ZNF385D: variants seen among roughly 807,000 people sequenced by gnomAD.
The protein encoded by ZNF385D is zinc finger protein 385D.
Under a neutral mutation model 35.8 loss-of-function variants are expected in ZNF385D, and 15 were observed. That is an observed-to-expected ratio of 0.42 (90% CI 0.28 to 0.64). The LOEUF (loss-of-function observed/expected upper bound fraction) is 0.64, where lower values mean the gene tolerates loss of function less well. Among genes scored for constraint, ZNF385D ranks in the 30% least tolerant of loss-of-function variants. The pLI is 0.23. For missense variants in ZNF385D, 474 were observed against 494.6 expected (o/e 0.96, Z 0.39); for synonymous variants, 212 against 186.8 (o/e 1.13, Z -1.10).
intron 3 of ZNF385D, among the ~76,000 whole-genome samples, chr3:21,831,479 G>C (rs143982622): frequency 4.5e-4 from 69 of 152,270 alleles, no homozygotes; most frequent in African/African-American, 1.5e-3. Flanking sequence ...GAAATCCTTA[G>C]CTTTGTTCCA....
At chr3:21,924,322 T>C (rs1700618937) in intron 3 of ZNF385D, among the ~76,000 whole-genome samples, 1 of 152,194 alleles carries the variant, frequency 6.6e-6, no homozygotes, top group Admixed American at 6.5e-5. Flanking sequence ...GTTAGCTTCC[T>C]GAGTTTTTTT....
intron 2 of ZNF385D, among the ~76,000 whole-genome samples, chr3:22,304,066 A>G (rs1383682862): frequency 6.6e-6 from 1 of 152,116 alleles, no homozygotes; most frequent in African/African-American, 2.4e-5. Context: ...GTGAGTCACC[A>G]TGCCTGGTCT....
chr3:22,143,059 T>TTGTGTGTGTGTGTGTGTGTG (rs57448532), intron 3 of ZNF385D, among the ~76,000 whole-genome samples: 8 of 140,916 alleles, frequency 5.7e-5, no homozygotes, highest in African/African-American at 2.2e-4. Context: ...ATTAAATCGG[T>TTGTGTGTGTGTGTGTGTGTG]TGTGTGTGTG....
intron 2 of ZNF385D, among the ~76,000 whole-genome samples, chr3:22,369,943 G>A (rs555159638): frequency 3.9e-5 from 6 of 152,088 alleles, no homozygotes; most frequent in Non-Finnish European, 7.4e-5. Context: ...AATGAGAAAT[G>A]CAACATTTTA....
intron 3 of ZNF385D, among the ~76,000 whole-genome samples, chr3:21,543,231 A>G (rs2062242675): frequency 6.6e-6 from 1 of 152,140 alleles, no homozygotes; most frequent in Non-Finnish European, 1.5e-5. Context: ...GAATCACTTG[A>G]AGCTGGCTGG....
intron 4 of ZNF385D, chr3:21,443,419 G>T (rs1302193554): frequency 1.1e-6 from 1 of 885,214 alleles, no homozygotes; most frequent in Non-Finnish European, 1.4e-6. Flanking sequence ...AATTTTGGGG[G>T]TCTGTCTTAT....
At chr3:22,074,629 AAT>A (rs1167351937) in intron 3 of ZNF385D, among the ~76,000 whole-genome samples, 5 of 151,940 alleles carry the variant, frequency 3.3e-5, no homozygotes, top group African/African-American at 1.2e-4. Context: ...TTAATTCCAC[AAT>A]ATAAGAAAAA....
At chr3:21,992,834 G>T (rs1025663202) in intron 3 of ZNF385D, among the ~76,000 whole-genome samples, 5 of 151,988 alleles carry the variant, frequency 3.3e-5, no homozygotes, top group African/African-American at 1.2e-4. Flanking sequence ...TGAATTATTT[G>T]CAATAAAAAT....
intron 3 of ZNF385D, among the ~76,000 whole-genome samples, chr3:21,806,993 T>G (rs1429610020): frequency 6.6e-6 from 1 of 152,254 alleles, no homozygotes; most frequent in East Asian, 1.9e-4. Flanking sequence ...ACTTCCCTCT[T>G]ATTTTTCTGA....
intron 1 of ZNF385D, among the ~76,000 whole-genome samples, chr3:21,695,572 G>T (rs376748429): frequency 6.0e-4 from 92 of 152,176 alleles, no homozygotes; most frequent in African/African-American, 2.1e-3. Flanking sequence ...CTCAGATAAT[G>T]CCAGATGCTT....
intron 3 of ZNF385D, among the ~76,000 whole-genome samples, chr3:22,114,201 G>C (rs1310579521): frequency 6.6e-6 from 1 of 151,962 alleles, no homozygotes. Context: ...TTGTTTGTAT[G>C]CTTACTTCTC....
At chr3:22,266,128 T>A (rs1268045351) in intron 2 of ZNF385D, among the ~76,000 whole-genome samples, 1 of 151,956 alleles carries the variant, frequency 6.6e-6, no homozygotes, top group Non-Finnish European at 1.5e-5. Context: ...TGGATTCTTA[T>A]TATCATAGTT....
chr3:21,956,424 A>T (rs1702291854), intron 3 of ZNF385D, among the ~76,000 whole-genome samples: 1 of 140,270 alleles, frequency 7.1e-6, no homozygotes, highest in African/African-American at 2.5e-5. Context: ...AAAATGATAA[A>T]GTTTGAGTGG....
intron 3 of ZNF385D, among the ~76,000 whole-genome samples, chr3:21,761,249 G>C (rs946758355): frequency 6.6e-6 from 1 of 152,216 alleles, no homozygotes; most frequent in African/African-American, 2.4e-5. Context: ...GAGACTCCTA[G>C]TCAGCACCAT....
intron 3 of ZNF385D, among the ~76,000 whole-genome samples, chr3:22,056,370 T>C (rs1194273051): frequency 1.3e-5 from 2 of 151,438 alleles, no homozygotes; most frequent in African/African-American, 2.4e-5. Flanking sequence ...AAACCGTGTG[T>C]TAGTTTAGGG....
intron 1 of ZNF385D, among the ~76,000 whole-genome samples, chr3:21,698,646 AAAAAC>A (rs1242409832): frequency 6.6e-6 from 1 of 152,144 alleles, no homozygotes; most frequent in Non-Finnish European, 1.5e-5. Flanking sequence ...TTCCAAGAAA[AAAAAC>A]AAACAAACCC....
At chr3:22,009,632 AAT>A (rs1553718810) in intron 3 of ZNF385D, among the ~76,000 whole-genome samples, 1 of 58,900 alleles carries the variant, frequency 1.7e-5, no homozygotes, top group Non-Finnish European at 3.3e-5. Context: ...CAAAAAAAAA[AAT>A]AAAAAAAAAA....
At chr3:21,558,989 C>CTTTTTT (rs55997613) in intron 3 of ZNF385D, among the ~76,000 whole-genome samples, 1 of 128,834 alleles carries the variant, frequency 7.8e-6, no homozygotes, top group Non-Finnish European at 1.6e-5. Flanking sequence ...GCAACCCCTG[C>CTTTTTT]TTTTTTTTTT....
chr3:21,723,627 C>A (rs544887090), intron 1 of ZNF385D, among the ~76,000 whole-genome samples: 4 of 152,192 alleles, frequency 2.6e-5, no homozygotes, highest in East Asian at 1.9e-4. Context: ...ATGAACAAAG[C>A]CTCCAAGAAA....
Sources: gnomAD v4.1 joint callset for allele counts (sites outside exome capture counted in the v4.1 genomes callset) on GRCh38, gnomAD v4.1.1 for gene constraint, MANE v1.5 for transcripts, NCBI Gene and HGNC (gene_info 2026-07-23, HGNC 2026-07-21) for gene names.